ANO6: variants seen among roughly 807,000 people sequenced by gnomAD.
The protein encoded by ANO6 is anoctamin-6.
ANO6 carries 106 observed loss-of-function variants against 117.5 expected under a neutral mutation model. That is an observed-to-expected ratio of 0.90 (90% CI 0.77 to 1.06). ANO6 has a LOEUF of 1.06. ANO6 is among the 50% of genes least tolerant of loss of function. The probability of loss-of-function intolerance (pLI) is 0.00; values close to 1 mark genes in which losing one functional copy is unlikely to be tolerated. For missense variants in ANO6, 955 were observed against 1,121.1 expected, an observed-to-expected ratio of 0.85 and a Z score of 2.12; for synonymous variants, 367 against 385.1, an observed-to-expected ratio of 0.95 and a Z score of 0.55.
At chr12:45,399,965 A>T (rs1942739871) in intron 12 of ANO6, among the ~76,000 whole-genome samples, 1 of 152,212 alleles carries the variant, frequency 6.6e-6, no homozygotes, top group Non-Finnish European at 1.5e-5. Flanking sequence ...CACCCCAAAG[A>T]AATATGGGAA....
chr12:45,347,171 G>C lies in ANO6; in HGVS notation c.345+84G>C. 3.1e-6 allele frequency: 4 copies of C among 1,298,338 alleles called. No homozygotes were observed. In the South Asian group the frequency reaches 3.6e-5, roughly 12 times the overall value. 80.4% of individuals were successfully genotyped at this position (1,298,338 alleles called of 1,614,324 possible). A position where few individuals can be genotyped will look rare whatever the true frequency, so the allele number is the denominator to read the frequency against. On this transcript the variant is annotated intron_variant, in intron 4 of 19. Transcript: ENST00000320560. The stretch of plus-strand genomic sequence containing the variant: ...CACTTGGAATACTTGGGTGACATTG[G>C]AAACATGCAGCCCTGGCCACATCTT...
In ANO6 at chr12:45,430,025, C is replaced by CTAATCAATGTTGACTG; in HGVS notation, c.*715_*730dup. ...GGAGCACTCCTAGGAGGTTCCGTGC[C>CTAATCAATGTTGACTG]TAATCAATGTTGACTGCTTTGCAGA... On this transcript the variant is annotated 3_prime_UTR_variant, in exon 20 of 20. Coordinates refer to ENST00000320560, the MANE Select transcript of ANO6 (RefSeq NM_001025356.3). The CTAATCAATGTTGACTG allele has an allele frequency of 2.0e-6, 2 of 985,430 alleles. No homozygotes were observed. The highest frequency in any genetic ancestry group is 2.4e-6 in the Non-Finnish European group (2 of 829,978). 61.0% of individuals were successfully genotyped at this position (985,430 alleles called of 1,614,324 possible).
chr12:45,340,597 AG>A (rs1416841034), intron 3 of ANO6, among the ~76,000 whole-genome samples: 3 of 152,126 alleles, frequency 2.0e-5, no homozygotes, highest in Non-Finnish European at 2.9e-5. Flanking sequence ...CTTATGTATA[AG>A]GTTTCCAGTA....
intron 3 of ANO6, among the ~76,000 whole-genome samples, chr12:45,336,946 GT>G (rs1424460799): frequency 1.3e-5 from 2 of 152,048 alleles, no homozygotes; most frequent in Non-Finnish European, 2.9e-5. Context: ...GTGGAAGACA[GT>G]GATACTGATG....
intron 2 of ANO6, among the ~76,000 whole-genome samples, chr12:45,322,169 C>T (rs1166055023): frequency 1.3e-5 from 2 of 152,090 alleles, no homozygotes; most frequent in African/African-American, 4.8e-5. Context: ...GTGGAGCACA[C>T]ATCCATTGGC....
At chr12:45,297,241 A>G (rs1939324298) in intron 1 of ANO6, among the ~76,000 whole-genome samples, 1 of 152,156 alleles carries the variant, frequency 6.6e-6, no homozygotes, top group Admixed American at 6.6e-5. Flanking sequence ...CAGATGAGTC[A>G]TTGGACCCAA....
intron 2 of ANO6, among the ~76,000 whole-genome samples, chr12:45,304,273 T>A (rs1939593104): frequency 6.6e-6 from 1 of 152,174 alleles, no homozygotes; most frequent in Non-Finnish European, 1.5e-5. Flanking sequence ...TAAGCTCAGC[T>A]CTTTTTGTAG....
intron 1 of ANO6, among the ~76,000 whole-genome samples, chr12:45,278,883 C>T (rs1938635058): frequency 6.6e-6 from 1 of 152,174 alleles, no homozygotes; most frequent in African/African-American, 2.4e-5. Context: ...GTTTAGGAAA[C>T]TCTGTTAGTA....
chr12:45,363,181 C>T (rs1941598507), intron 8 of ANO6, among the ~76,000 whole-genome samples: 1 of 152,096 alleles, frequency 6.6e-6, no homozygotes, highest in Non-Finnish European at 1.5e-5. Flanking sequence ...ATCCAAAATG[C>T]TCCACTGAGC....
chr12:45,315,828 G>T (rs935550587), intron 2 of ANO6, among the ~76,000 whole-genome samples: 1 of 151,968 alleles, frequency 6.6e-6, no homozygotes, highest in Non-Finnish European at 1.5e-5. Context: ...TTGACACCCT[G>T]TTGATAACTG....
intron 3 of ANO6, among the ~76,000 whole-genome samples, chr12:45,334,102 C>T (rs781358839): frequency 1.7e-4 from 26 of 151,998 alleles, no homozygotes; most frequent in Non-Finnish European, 2.9e-5. Flanking sequence ...ACTTGGGCCA[C>T]TCATATGACC....
chr12:45,388,195 G>T lies in ANO6; in HGVS notation c.1200G>T (p.Gln400His), dbSNP rs376926892. 1 of 1,614,016 alleles carries T rather than the reference G, an allele frequency of 6.2e-7. No individual in the cohort carries two copies. The highest frequency in any genetic ancestry group is 1.1e-5 in the South Asian group (1 of 91,082). The change falls in exon 11 of 20, where the codon CAG becomes CAT. Residue 400 changes from glutamine to histidine, a missense_variant. Physicochemically the swap from Gln to His is conservative, Grantham distance 24. Coordinates refer to ENST00000320560, the MANE Select transcript of ANO6 (RefSeq NM_001025356.3). Reference sequence around the variant, plus strand: ...TTTTGGAGTTTTGGAAGCGACGCCAGGCAGAACTTGAGTATGAATGGGATA... The same window carrying T: ...TTTTGGAGTTTTGGAAGCGACGCCATGCAGAACTTGAGTATGAATGGGATA... ...TLFLEFWKRR[Q>H]AELEYEWDTV...
At chr12:45,348,752 C>A in intron 6 of ANO6, 121 bp downstream of exon 6, 1 of 766,150 alleles carries the variant, frequency 1.3e-6, no homozygotes, top group Non-Finnish European at 2.3e-6. Flanking sequence ...GAACATACTG[C>A]AAGATTACAA....
chr12:45,351,976 A>C (rs1464419890), intron 7 of ANO6, among the ~76,000 whole-genome samples: 5 of 152,082 alleles, frequency 3.3e-5, no homozygotes, highest in Non-Finnish European at 5.9e-5. Flanking sequence ...CTGTGGGAGC[A>C]GATTTGGGAT....
intron 15 of ANO6, among the ~76,000 whole-genome samples, chr12:45,404,479 C>G (rs967583614): frequency 6.6e-6 from 1 of 152,068 alleles, no homozygotes; most frequent in Non-Finnish European, 1.5e-5. Context: ...TCAGAAGTCT[C>G]ACTGGACTAA....
At chr12:45,239,066 A>G (rs925613233) in intron 1 of ANO6, among the ~76,000 whole-genome samples, 26 of 152,220 alleles carry the variant, frequency 1.7e-4, no homozygotes, top group African/African-American at 6.0e-4. Flanking sequence ...AAAATGAGTT[A>G]GGGAGGATTC....
chr12:45,366,478 C>T (rs1011918275), intron 8 of ANO6, among the ~76,000 whole-genome samples: 2 of 152,056 alleles, frequency 1.3e-5, no homozygotes, highest in Non-Finnish European at 2.9e-5. Context: ...GTACCAGACC[C>T]GTTTTATTGA....
chr12:45,409,336 A>G, intron 15 of ANO6, 21 bp from the exon 16 acceptor site: 1 of 1,613,562 alleles, frequency 6.2e-7, no homozygotes, highest in Middle Eastern at 1.7e-4. Context: ...GTTCTAATTT[A>G]TAAATTGTTC....
chr12:45,360,290 T>C (rs1164515742), intron 8 of ANO6, among the ~76,000 whole-genome samples: 2 of 152,210 alleles, frequency 1.3e-5, no homozygotes, highest in African/African-American at 4.8e-5. Flanking sequence ...GTTGCCGACA[T>C]TTGGTGTCTG....
Sources: allele counts gnomAD v4.1 joint callset (sites outside exome capture counted in the v4.1 genomes callset), GRCh38; gene constraint gnomAD v4.1.1; transcripts MANE v1.5; gene names NCBI Gene and HGNC (gene_info 2026-07-23, HGNC 2026-07-21).